Variants in MBNL1 observed in about 807,000 individuals in gnomAD.
The protein encoded by MBNL1 is muscleblind-like protein 1.
MBNL1 carries 8 observed loss-of-function variants against 42.2 expected under a neutral mutation model. The ratio of observed to expected loss-of-function variants is 0.19; its 90% confidence interval spans 0.11 to 0.34. The LOEUF (loss-of-function observed/expected upper bound fraction) is 0.34, where lower values mean the gene tolerates loss of function less well. MBNL1 is among the 10% of genes least tolerant of loss of function. MBNL1 has a pLI of 1.00. For missense variants in MBNL1, 309 were observed against 495.3 expected (o/e 0.62, Z 3.57); for synonymous variants, 169 against 173.9 (o/e 0.97, Z 0.22).
intron 2 of MBNL1, among the ~76,000 whole-genome samples, chr3:152,375,453 A>T (rs564890335): frequency 1.3e-5 from 2 of 152,324 alleles, no homozygotes; most frequent in East Asian, 3.9e-4. Flanking sequence ...AATGATTATA[A>T]TAATAAAGAT....
chr3:152,405,802 C>T (rs924475827), intron 2 of MBNL1, among the ~76,000 whole-genome samples: 10 of 151,836 alleles, frequency 6.6e-5, no homozygotes, highest in African/African-American at 2.2e-4. Context: ...GAAAGGCATG[C>T]TCTACACATA....
At chr3:152,270,906 T>C (rs2041215955) in intron 1 of MBNL1, among the ~76,000 whole-genome samples, 1 of 152,150 alleles carries the variant, frequency 6.6e-6, no homozygotes, top group African/African-American at 2.4e-5. Flanking sequence ...AAAGTTGCCT[T>C]TTGTGTTTTA....
intron 2 of MBNL1, among the ~76,000 whole-genome samples, chr3:152,355,038 T>C (rs927123462): frequency 4.6e-5 from 7 of 152,228 alleles, no homozygotes; most frequent in African/African-American, 1.7e-4. Context: ...ATTTCTGTTA[T>C]TCATCATTAT....
At chr3:152,338,910 AT>A (rs961740891) in intron 2 of MBNL1, among the ~76,000 whole-genome samples, 1 of 151,902 alleles carries the variant, frequency 6.6e-6, no homozygotes, top group African/African-American at 2.4e-5. Context: ...TAAATATTCA[AT>A]TTTTTTTATT....
At chr3:152,399,833 G>T (rs2098137566) in intron 2 of MBNL1, among the ~76,000 whole-genome samples, 1 of 152,050 alleles carries the variant, frequency 6.6e-6, no homozygotes, top group African/African-American at 2.4e-5. Flanking sequence ...GACTTCTAAT[G>T]GGAGAAGCAC....
intron 2 of MBNL1, among the ~76,000 whole-genome samples, chr3:152,325,652 G>A (rs2079323830): frequency 6.7e-6 from 1 of 150,224 alleles, no homozygotes; most frequent in Admixed American, 6.7e-5. Flanking sequence ...ATGTATTTAT[G>A]TACAAATACA....
chr3:152,340,522 G>A (rs776482223), intron 2 of MBNL1: 1 of 1,580,716 alleles, frequency 6.3e-7, no homozygotes, highest in Non-Finnish European at 8.6e-7. Flanking sequence ...GAAGTTGGGA[G>A]ATTTTTAATT....
intron 2 of MBNL1, among the ~76,000 whole-genome samples, chr3:152,306,872 T>C (rs1156476221): frequency 2.6e-5 from 4 of 152,218 alleles, no homozygotes; most frequent in African/African-American, 4.8e-5. Flanking sequence ...TTGACAAACT[T>C]GTCATCACTT....
chr3:152,415,312 G>C (rs1159075964), intron 3 of MBNL1, among the ~76,000 whole-genome samples: 4 of 152,192 alleles, frequency 2.6e-5, no homozygotes, highest in Non-Finnish European at 5.9e-5. Context: ...GCTAAATCAT[G>C]TGGACATTTA....
chr3:152,301,551 T>G (rs2060733753), intron 2 of MBNL1, among the ~76,000 whole-genome samples: 1 of 152,178 alleles, frequency 6.6e-6, no homozygotes, highest in South Asian at 2.1e-4. Flanking sequence ...TTGCTAAAGT[T>G]TTTGCCAAAG....
chr3:152,358,643 T>C (rs1578617271), intron 2 of MBNL1, among the ~76,000 whole-genome samples: 1 of 152,322 alleles, frequency 6.6e-6, no homozygotes, highest in East Asian at 1.9e-4. Flanking sequence ...GCTTTGCTTC[T>C]TCCCTGATTA....
intron 2 of MBNL1, among the ~76,000 whole-genome samples, chr3:152,318,283 G>A (rs1223246332): frequency 1.3e-5 from 2 of 152,112 alleles, no homozygotes; most frequent in Non-Finnish European, 2.9e-5. Flanking sequence ...TTTTGAAAGT[G>A]GTTTGATCAT....
intron 3 of MBNL1, among the ~76,000 whole-genome samples, chr3:152,418,021 G>A (rs940600944): frequency 6.6e-6 from 1 of 152,190 alleles, no homozygotes; most frequent in Non-Finnish European, 1.5e-5. Context: ...GGATCTGTAG[G>A]AAGGTTTCCC....
intron 2 of MBNL1, among the ~76,000 whole-genome samples, chr3:152,251,010 C>T (rs982971855): frequency 6.6e-6 from 1 of 152,038 alleles, no homozygotes; most frequent in South Asian, 2.1e-4. Context: ...TGGGCTTCAT[C>T]CCTGGGATGC....
rs1283769307 is a variant in MBNL1 at position 152,462,722 on chromosome 3, G to A, written c.*356G>A. The A allele has an allele frequency of 1.3e-5, 2 of 152,080 alleles. No individual in the cohort carries two copies. The highest frequency in any genetic ancestry group is 4.8e-5 in the African/African-American group (2 of 41,400). 9.4% of individuals were successfully genotyped at this position (152,080 alleles called of 1,614,324 possible). On this transcript the variant is annotated 3_prime_UTR_variant, in exon 10 of 10. Transcript: ENST00000324210. Reference sequence around the variant, plus strand: ...ATGCCATCTTGAAAAGACAGACTATGGTGTAACCATGATTCTATTATGTAT... The same window carrying A: ...ATGCCATCTTGAAAAGACAGACTATAGTGTAACCATGATTCTATTATGTAT...
At chr3:152,407,047 CTG>C (rs373321399) in intron 2 of MBNL1, among the ~76,000 whole-genome samples, 150 of 67,234 alleles carry the variant, frequency 2.2e-3, no homozygotes, top group African/African-American at 2.8e-3. Flanking sequence ...TGTTAAGCCA[CTG>C]TGTGTGTGTG....
At chr3:152,424,111 G>A (rs553545299) in intron 3 of MBNL1, among the ~76,000 whole-genome samples, 7 of 152,114 alleles carry the variant, frequency 4.6e-5, no homozygotes, top group Non-Finnish European at 1.0e-4. Context: ...ATGATATTCA[G>A]GTAGGAAGAG....
chr3:152,378,246 A>ATC (rs951300371), intron 2 of MBNL1, among the ~76,000 whole-genome samples: 3 of 152,110 alleles, frequency 2.0e-5, no homozygotes, highest in African/African-American at 7.2e-5. Flanking sequence ...AGGTGGGAGG[A>ATC]TCACTTGAGC....
chr3:152,259,618 A>G (rs1402877658), intron 2 of MBNL1, among the ~76,000 whole-genome samples: 2 of 152,222 alleles, frequency 1.3e-5, no homozygotes, highest in Non-Finnish European at 2.9e-5. Context: ...GAATGACAGT[A>G]ACACCAAAGA....
Sources: allele counts gnomAD v4.1 joint callset (sites outside exome capture counted in the v4.1 genomes callset), GRCh38; gene constraint gnomAD v4.1.1; transcripts MANE v1.5; gene names NCBI Gene and HGNC (gene_info 2026-07-23, HGNC 2026-07-21).